TACR3: variants seen among roughly 807,000 people sequenced by gnomAD.
The protein encoded by TACR3 is neuromedin-K receptor.
In TACR3, 34 loss-of-function variants were observed where a neutral mutation model predicts 35.0. The ratio of observed to expected loss-of-function variants is 0.97; its 90% CI spans 0.74 to 1.30. TACR3 has a LOEUF of 1.30. TACR3 is among the 50% of genes most tolerant of loss of function. The probability of loss-of-function intolerance (pLI) is 0.00; values close to 1 mark genes in which losing one functional copy is unlikely to be tolerated. For missense variants in TACR3, 558 were observed against 591.7 expected (o/e 0.94, Z 0.59); for synonymous variants, 233 against 221.1 (o/e 1.05, Z -0.48).
chr4:103,712,419 A>T (rs1284730735), intron 1 of TACR3, among the ~76,000 whole-genome samples: 2 of 152,238 alleles, frequency 1.3e-5, no homozygotes, highest in East Asian at 1.9e-4. Context: ...TTGGCTAGCC[A>T]TATGTAGAAA....
At chr4:103,686,653 C>A (rs1326027284) in intron 1 of TACR3, among the ~76,000 whole-genome samples, 2 of 152,004 alleles carry the variant, frequency 1.3e-5, no homozygotes, top group Non-Finnish European at 2.9e-5. Context: ...AAAACATAAC[C>A]CATATGCAGA....
At chr4:103,604,121 G>A (rs1241338898) in intron 3 of TACR3, among the ~76,000 whole-genome samples, 1 of 152,138 alleles carries the variant, frequency 6.6e-6, no homozygotes, top group African/African-American at 2.4e-5. Context: ...GAGGCATCAG[G>A]CTGCTTGACT....
chr4:103,606,543 C>T (rs1300883365), intron 3 of TACR3, among the ~76,000 whole-genome samples: 1 of 152,080 alleles, frequency 6.6e-6, no homozygotes, highest in Non-Finnish European at 1.5e-5. Flanking sequence ...TCCTTCATAT[C>T]CCTTGTAAGT....
At chr4:103,607,154 T>A (rs1327388412) in intron 3 of TACR3, among the ~76,000 whole-genome samples, 1 of 152,166 alleles carries the variant, frequency 6.6e-6, no homozygotes, top group African/African-American at 2.4e-5. Flanking sequence ...TCTCAAGAGA[T>A]AATAATTCTT....
chr4:103,617,740 AAAAC>A (rs756203217), intron 3 of TACR3, among the ~76,000 whole-genome samples: 3 of 152,352 alleles, frequency 2.0e-5, no homozygotes, highest in South Asian at 2.1e-4. Context: ...TGGTTTAAGA[AAAAC>A]AAGCAAGAAA....
At chr4:103,591,743 A>C in intron 3 of TACR3, 60 bp from the exon 4 acceptor site, 1 of 1,460,302 alleles carries the variant, frequency 6.8e-7, no homozygotes, top group African/African-American at 1.4e-5. Flanking sequence ...CCAATAGCTT[A>C]TTGCAAATCA....
rs954872272 is a variant in TACR3, at chr4:103,603,124, A to G, written c.889-11441T>C. ...GTGCCCCTCCCCCAGCCTCGCTGCC[A>G]CCTTGCAGTTTGATCTCGGACTGCT... is the stretch of plus-strand genomic sequence containing the variant. On this transcript the variant is annotated intron_variant, in intron 3 of 4. Transcript: ENST00000304883. Among the ~76,000 whole-genome samples the G allele has an allele frequency of 2.6e-5, 4 of 152,088 alleles. 1 individual carries two copies. Among genetic ancestry groups the G allele is most frequent in the Non-Finnish European group, 5.9e-5 (4 of 68,008 alleles).
At chr4:103,597,758 C>T (rs1258243788) in intron 3 of TACR3, among the ~76,000 whole-genome samples, 2 of 152,080 alleles carry the variant, frequency 1.3e-5, no homozygotes, top group Non-Finnish European at 2.9e-5. Context: ...CAGTTTCATC[C>T]ATGTCCCTAC....
intron 3 of TACR3, among the ~76,000 whole-genome samples, chr4:103,611,114 T>A (rs925734511): frequency 1.3e-5 from 2 of 152,176 alleles, no homozygotes; most frequent in African/African-American, 4.8e-5. Context: ...GGGTCTTTTA[T>A]AATTTCATGA....
intron 1 of TACR3, among the ~76,000 whole-genome samples, chr4:103,703,015 G>A (rs990758532): frequency 7.9e-5 from 12 of 151,604 alleles, no homozygotes; most frequent in Middle Eastern, 3.4e-3. Context: ...ACAAACCTGC[G>A]CGTTGTGCAC....
In TACR3 at chr4:103,638,530, G is replaced by A. The variant is rs1578238041; in HGVS notation, c.888+17664C>T. On this transcript the variant is annotated intron_variant, in intron 3 of 4. Transcript: ENST00000304883. ...GATACCATTCAGGACATAGGCATGG[G>A]CAAGGACTTCATGTCTAAAACACCA... Among the ~76,000 whole-genome samples, 4 of 152,060 alleles carry A rather than the reference G, an allele frequency of 2.6e-5. No homozygotes were observed. In the South Asian group the frequency reaches 8.3e-4, roughly 32 times the overall value.
At chr4:103,652,097 T>C (rs555240999) in intron 3 of TACR3, among the ~76,000 whole-genome samples, 31 of 152,100 alleles carry the variant, frequency 2.0e-4, no homozygotes, top group Non-Finnish European at 4.4e-4. Context: ...GCCCCACTGA[T>C]GTCTCAGTAG....
At chr4:103,615,396 TGTGAGAGAGAGAGAGA>T (rs1356666198) in intron 3 of TACR3, among the ~76,000 whole-genome samples, 21 of 122,606 alleles carry the variant, frequency 1.7e-4, no homozygotes, top group Admixed American at 8.0e-4. Flanking sequence ...TGTGTGTGTG[TGTGAGAGAGAGAGAGA>T]GAGAGAGAGA....
intron 3 of TACR3, among the ~76,000 whole-genome samples, chr4:103,613,342 T>C (rs557736079): frequency 6.6e-6 from 1 of 152,300 alleles, no homozygotes; most frequent in Admixed American, 6.5e-5. Flanking sequence ...GTGTGAAAAT[T>C]ATTTAAAATA....
chr4:103,705,377 T>TACTTTTATAATTCATTTATTC (rs1722764383), intron 1 of TACR3, among the ~76,000 whole-genome samples: 1 of 152,172 alleles, frequency 6.6e-6, no homozygotes, highest in Non-Finnish European at 1.5e-5. Context: ...TTCATTTATT[T>TACTTTTATAATTCATTTATTC]ACTTTTATAA....
chr4:103,641,189 C>CT, intron 3 of TACR3, among the ~76,000 whole-genome samples: 1 of 151,814 alleles, frequency 6.6e-6, no homozygotes, highest in South Asian at 2.1e-4. Context: ...TTCTTGGTAC[C>CT]TTTGTTAATA....
chr4:103,653,230 G>A (rs1725662921), intron 3 of TACR3, among the ~76,000 whole-genome samples: 2 of 151,914 alleles, frequency 1.3e-5, no homozygotes, highest in South Asian at 2.1e-4. Context: ...GTCTGAATTA[G>A]TATTTCTATT....
intron 1 of TACR3, among the ~76,000 whole-genome samples, chr4:103,675,210 A>C (rs1349034419): frequency 6.6e-6 from 1 of 152,120 alleles, no homozygotes; most frequent in African/African-American, 2.4e-5. Flanking sequence ...TTGGATCTTG[A>C]AATGTCCTCA....
intron 3 of TACR3, among the ~76,000 whole-genome samples, chr4:103,600,015 G>A (rs1724154823): frequency 6.6e-6 from 1 of 152,098 alleles, no homozygotes; most frequent in African/African-American, 2.4e-5. Flanking sequence ...GATTGGAATA[G>A]TTTCAGAAGG....
Sources: allele counts gnomAD v4.1 joint callset (sites outside exome capture counted in the v4.1 genomes callset), GRCh38; gene constraint gnomAD v4.1.1; transcripts MANE v1.5; gene names NCBI Gene and HGNC (gene_info 2026-07-23, HGNC 2026-07-21).